Variants in LTN1 observed in about 807,000 individuals in gnomAD.
The protein encoded by LTN1 is E3 ubiquitin-protein ligase listerin.
In LTN1, 88 loss-of-function variants were observed where a neutral mutation model predicts 201.2. That is an observed-to-expected ratio of 0.44 (90% CI 0.37 to 0.52). LTN1 has a LOEUF of 0.52. LTN1 is among the 20% of genes least tolerant of loss of function. LTN1 has a pLI of 0.00. For synonymous variants in LTN1, 645 were observed against 713.5 expected, an observed-to-expected ratio of 0.90 and a Z score of 1.53; for missense variants, 1,752 against 2,038.7, an observed-to-expected ratio of 0.86 and a Z score of 2.71.
At chr21:28,970,807 G>GA in intron 7 of LTN1, 65 bp from the exon 8 acceptor site, 1 of 1,254,282 alleles carries the variant, frequency 8.0e-7, no homozygotes, top group South Asian at 1.6e-5. Context: ...AATTAAAAGA[G>GA]AAAACATATA....
chr21:28,969,407 G>T, intron 9 of LTN1, 59 bp downstream of exon 9: 1 of 1,422,102 alleles, frequency 7.0e-7, no homozygotes, highest in Non-Finnish European at 9.4e-7. Flanking sequence ...AAGACACAAT[G>T]AGCTTGATCC....
At position 28,932,565 on chromosome 21, in the gene LTN1, C is replaced by T. The variant is rs2084219614; in HGVS notation, c.4975G>A (p.Gly1659Ser). 2 of 1,613,302 alleles carry T rather than the reference C, an allele frequency of 1.2e-6. No homozygotes were observed. The highest frequency in any genetic ancestry group is 1.3e-5 in the African/African-American group (1 of 74,860). Residue 1659 changes from glycine (G) to serine (S), a missense_variant, in exon 28 of 30, where the codon GGT (glycine) becomes AGT (serine). Gly to Ser is a moderately conservative substitution (Grantham distance 56). This residue lies in a region of LTN1 where 261 missense variants were observed against 350.1 expected (regional missense o/e 0.75). Coordinates refer to ENST00000361371, the MANE Select transcript of LTN1 (RefSeq NM_015565.3). ...IIQLPSNYPL[G>S]SIIVESGKRV... ...TTCCCACTTTCTACTATTATTGAAC[C>T]CAGTGGATAATTTGAAGGCAGTTGT...
chr21:28,977,911 G>C (rs1021129833), intron 6 of LTN1, among the ~76,000 whole-genome samples: 2 of 149,834 alleles, frequency 1.3e-5, no homozygotes, highest in Admixed American at 6.6e-5. Context: ...CTAGGTGACA[G>C]AGTAAGACTC....
rs571410562 is a variant in LTN1 at position 28,953,262 on chromosome 21, C to G, written c.3194G>C (p.Arg1065Pro). ...AAGGCCCGACGTATTACCAAGTACA[C>G]GTAAGTTATCATACGTAATATTCAT... The part of the protein sequence containing the change: ...QKMNITYDNL[R>P]VLGNTSGLLQ... Residue 1065 changes from arginine to proline, a missense_variant, in exon 17 of 30, where the codon CGT becomes CCT. Physicochemically the swap from Arg to Pro is moderately radical, Grantham distance 103. Around this residue, in one of 3 missense-constraint regions of LTN1, gnomAD observed 1,211 missense variants for 1,312.8 expected, o/e 0.92. Transcript: ENST00000361371. 1.1e-5 allele frequency: 18 copies of G among 1,599,556 alleles called. No homozygotes were observed. The East Asian group carries it at 2.0e-4, about 18-fold the overall frequency.
At chr21:28,953,430 C>A (rs2084399802) in intron 16 of LTN1, 54 bp from the exon 17 acceptor site, 2 of 1,309,482 alleles carry the variant, frequency 1.5e-6, no homozygotes, top group Non-Finnish European at 2.1e-6. Flanking sequence ...ACAAACCCTT[C>A]AATTACTTTC....
At chr21:28,935,655 A>C (rs567316878) in intron 26 of LTN1, among the ~76,000 whole-genome samples, 1 of 152,220 alleles carries the variant, frequency 6.6e-6, no homozygotes, top group Non-Finnish European at 1.5e-5. Context: ...CCTGGCTAAA[A>C]CGGTGAAACC....
At chr21:28,935,821 C>A (rs1601162702) in intron 26 of LTN1, among the ~76,000 whole-genome samples, 2 of 125,358 alleles carry the variant, frequency 1.6e-5, no homozygotes, top group African/African-American at 6.3e-5. Flanking sequence ...GCCTGGGCGA[C>A]AGAGCGAGAC....
At chr21:28,938,501 A>T (rs1005494606) in intron 25 of LTN1, among the ~76,000 whole-genome samples, 1 of 152,244 alleles carries the variant, frequency 6.6e-6, no homozygotes, top group Admixed American at 6.5e-5. Context: ...AGAGATTTTT[A>T]AAAAATTAAT....
intron 11 of LTN1, among the ~76,000 whole-genome samples, chr21:28,963,977 A>C (rs576332646): frequency 6.6e-6 from 1 of 152,344 alleles, no homozygotes; most frequent in South Asian, 2.1e-4. Context: ...AAATGCTGCA[A>C]TATCATAATA....
chr21:28,974,526 C>A (rs955032387), intron 6 of LTN1, among the ~76,000 whole-genome samples: 5 of 152,110 alleles, frequency 3.3e-5, no homozygotes, highest in Non-Finnish European at 7.4e-5. Flanking sequence ...ATTGAGATCC[C>A]AACTTTTGCA....
rs1299387020 is a variant in LTN1 at position 28,960,782 on chromosome 21, T to C, written c.2164-76A>G. 12 of 978,130 alleles carry C rather than the reference T, an allele frequency of 1.2e-5. No homozygotes were observed. The East Asian group carries it at 1.3e-4, about 10-fold the overall frequency. The allele number at this position is 978,130 out of a possible 1,614,324, so 60.6% of individuals were successfully genotyped here. Reference sequence around the variant, plus strand: ...TCTGTCCAAAATATTACTTGTACCATATTACTATCCCTTCGTTATCATGGC... The same window carrying C: ...TCTGTCCAAAATATTACTTGTACCACATTACTATCCCTTCGTTATCATGGC... On this transcript the variant is annotated intron_variant, in intron 11 of 29. Coordinates refer to ENST00000361371, the MANE Select transcript of LTN1 (RefSeq NM_015565.3).
chr21:28,960,810 C>A, intron 11 of LTN1, 104 bp from the exon 12 acceptor site: 1 of 726,058 alleles, frequency 1.4e-6, no homozygotes, highest in Non-Finnish European at 2.3e-6. Flanking sequence ...ATCATGGCTC[C>A]AATTCTATCC....
intron 25 of LTN1, among the ~76,000 whole-genome samples, chr21:28,939,555 G>T (rs1440883129): frequency 2.0e-5 from 3 of 152,206 alleles, no homozygotes; most frequent in East Asian, 3.9e-4. Flanking sequence ...GTTTATTTCA[G>T]GATTCATCTA....
At chr21:28,990,317 T>C (rs1313005070) in intron 1 of LTN1, among the ~76,000 whole-genome samples, 1 of 152,214 alleles carries the variant, frequency 6.6e-6, no homozygotes, top group Non-Finnish European at 1.5e-5. Context: ...AAAGTTAAAA[T>C]CCCAACTCCA....
At chr21:28,964,910 A>C in intron 11 of LTN1, 2 of 1,063,148 alleles carry the variant, frequency 1.9e-6, no homozygotes, top group Non-Finnish European at 2.5e-6. Context: ...AGATAAACTA[A>C]GGCAAATAGT....
intron 11 of LTN1, among the ~76,000 whole-genome samples, chr21:28,961,935 C>T (rs1286704161): frequency 1.3e-5 from 2 of 151,962 alleles, no homozygotes; most frequent in African/African-American, 2.4e-5. Flanking sequence ...CACTTGAACC[C>T]GGGAGGCAGA....
intron 25 of LTN1, 31 bp from the exon 26 acceptor site, chr21:28,936,728 C>G (rs1289190449): frequency 6.5e-7 from 1 of 1,539,654 alleles, no homozygotes; most frequent in African/African-American, 1.4e-5. Flanking sequence ...TGTTAGTAAA[C>G]CAAATACACC....
At chr21:28,962,587 C>A (rs2084488271) in intron 11 of LTN1, among the ~76,000 whole-genome samples, 1 of 152,170 alleles carries the variant, frequency 6.6e-6, no homozygotes, top group African/African-American at 2.4e-5. Context: ...TCTTCTCTGT[C>A]CTTAGGCATC....
chr21:28,978,185 AC>A (rs1009649087), intron 6 of LTN1, among the ~76,000 whole-genome samples: 3 of 152,116 alleles, frequency 2.0e-5, no homozygotes, highest in Admixed American at 6.5e-5. Flanking sequence ...GTGCCACCAC[AC>A]CCAACTAATT....
Sources: allele counts gnomAD v4.1 joint callset (sites outside exome capture counted in the v4.1 genomes callset), GRCh38; gene constraint gnomAD v4.1.1; regional missense constraint gnomAD v4.1.1; transcripts MANE v1.5; gene names NCBI Gene and HGNC (gene_info 2026-07-23, HGNC 2026-07-21).